The following STOX2 variants were observed in gnomAD, a reference collection of about 807,000 sequenced individuals.
The protein encoded by STOX2 is storkhead box 2.
Under a neutral mutation model 60.9 loss-of-function variants are expected in STOX2, and 28 were observed. That is an observed-to-expected ratio of 0.46 (90% confidence interval 0.34 to 0.63). The LOEUF (loss-of-function observed/expected upper bound fraction) is 0.63, where lower values mean the gene tolerates loss of function less well. Ranked by LOEUF, STOX2 falls within the 30% of genes least tolerant of loss-of-function variation. The pLI, the probability that STOX2 is intolerant of heterozygous loss-of-function variation, is 0.01. For missense variants in STOX2, 1,024 were observed against 1,187.7 expected (o/e 0.86, Z 2.03); for synonymous variants, 472 against 463.9 (o/e 1.02, Z -0.22).
At chr4:183,869,925 A>G (rs1333767214) in intron 1 of STOX2, among the ~76,000 whole-genome samples, 3 of 152,124 alleles carry the variant, frequency 2.0e-5, no homozygotes, top group African/African-American at 7.2e-5. Context: ...GGGACCAAGG[A>G]ATGGGCGGGA....
At chr4:183,845,288 G>T (rs2111135134) in intron 1 of STOX2, among the ~76,000 whole-genome samples, 1 of 152,276 alleles carries the variant, frequency 6.6e-6, no homozygotes, top group South Asian at 2.1e-4. Flanking sequence ...CAGGGCAGGG[G>T]AAGATCATTC....
At chr4:183,940,374 G>A (rs1742721094) in intron 1 of STOX2, among the ~76,000 whole-genome samples, 1 of 152,226 alleles carries the variant, frequency 6.6e-6, no homozygotes, top group East Asian at 1.9e-4. Context: ...TTATGTCCTA[G>A]CAACTTCGTA....
At chr4:183,819,004 C>T (rs925355457) in intron 1 of STOX2, among the ~76,000 whole-genome samples, 1 of 150,862 alleles carries the variant, frequency 6.6e-6, no homozygotes, top group African/African-American at 2.4e-5. Context: ...GGGCAGAGAC[C>T]CTCCTCACTT....
At chr4:184,005,779 T>C (rs1457825324) in intron 2 of STOX2, among the ~76,000 whole-genome samples, 2 of 152,196 alleles carry the variant, frequency 1.3e-5, no homozygotes, top group East Asian at 1.9e-4. Context: ...CATAATACAA[T>C]GATAATCATA....
At chr4:183,932,225 C>T (rs535714660) in intron 1 of STOX2, among the ~76,000 whole-genome samples, 11 of 151,644 alleles carry the variant, frequency 7.3e-5, no homozygotes, top group African/African-American at 2.4e-4. Context: ...GGGTTGGGGA[C>T]GTTGATGAGT....
chr4:183,801,910 A>G (rs1309044597), intron 1 of STOX2, among the ~76,000 whole-genome samples: 2 of 152,214 alleles, frequency 1.3e-5, no homozygotes, highest in Non-Finnish European at 2.9e-5. Flanking sequence ...AGAAAGAAAT[A>G]GGAGCACTAG....
intron 1 of STOX2, among the ~76,000 whole-genome samples, chr4:183,973,501 A>G (rs140558386): frequency 3.7e-4 from 56 of 152,306 alleles, no homozygotes; most frequent in African/African-American, 1.2e-3. Flanking sequence ...TAACCAGGGA[A>G]CATATTATTT....
chr4:183,998,100 G>A (rs1035985415), intron 1 of STOX2, among the ~76,000 whole-genome samples: 3 of 152,110 alleles, frequency 2.0e-5, no homozygotes, highest in Non-Finnish European at 4.4e-5. Context: ...GAAATAGTCC[G>A]GCCTGCATTT....
intron 1 of STOX2, among the ~76,000 whole-genome samples, chr4:183,953,049 G>C (rs1343297862): frequency 2.6e-5 from 4 of 152,138 alleles, no homozygotes; most frequent in Non-Finnish European, 5.9e-5. Flanking sequence ...AGGGTGGGAG[G>C]CTGGGGGAGG....
rs550096654 is a variant in STOX2, at chr4:183,959,512, A to C, written c.167-41813A>C. Among the ~76,000 whole-genome samples, 17 of 152,314 alleles carry C rather than the reference A, an allele frequency of 1.1e-4. 1 individual carries two copies. In the South Asian group the frequency reaches 2.9e-3, roughly 26 times the overall value. ...CGCAGTGGTGCATTTTGGTGATCAA[A>C]TCTAAAACATGTGTCAGGTTTGCGG... On this transcript the variant is annotated intron_variant, in intron 1 of 3. Coordinates refer to ENST00000308497, the MANE Select transcript of STOX2 (RefSeq NM_020225.3).
At chr4:183,875,453 G>A (rs1421038333) in intron 1 of STOX2, among the ~76,000 whole-genome samples, 1 of 152,136 alleles carries the variant, frequency 6.6e-6, no homozygotes, top group Non-Finnish European at 1.5e-5. Flanking sequence ...GTTTGCCCCA[G>A]GCGAAGCCTC....
intron 1 of STOX2, among the ~76,000 whole-genome samples, chr4:183,889,180 T>G (rs1382538005): frequency 6.6e-6 from 1 of 151,922 alleles, no homozygotes; most frequent in Admixed American, 6.6e-5. Context: ...TAGCTCCAAA[T>G]AGGACCTTAT....
At chr4:183,941,519 G>A (rs1742753145) in intron 1 of STOX2, among the ~76,000 whole-genome samples, 1 of 152,214 alleles carries the variant, frequency 6.6e-6, no homozygotes, top group African/African-American at 2.4e-5. Context: ...AGTGAGCTGA[G>A]ATCGCACCAC....
intron 1 of STOX2, among the ~76,000 whole-genome samples, chr4:183,925,188 G>C (rs183267555): frequency 6.6e-6 from 1 of 152,194 alleles, no homozygotes; most frequent in Admixed American, 6.5e-5. Flanking sequence ...ACAGAGGTTT[G>C]GTATATGAGA....
rs201687147 is a variant in STOX2 at position 184,010,106 on chromosome 4, T to G, written c.1268T>G (p.Met423Arg). The change falls in exon 3 of 4, where the codon ATG becomes AGG. Residue 423 changes from methionine (M) to arginine (R), a missense_variant. Coordinates refer to ENST00000308497, the MANE Select transcript of STOX2 (RefSeq NM_020225.3). This position sits in a 1 kb window ranked among gnomAD's most constrained non-coding sequence, Gnocchi z 4.5. ...IIEHKGDNFI[M>R]HSNTNVLESH... The stretch of plus-strand genomic sequence containing the variant: ...GAACACAAAGGAGATAACTTCATCA[T>G]GCACAGCAACACAAACGTGCTCGAG... The G allele has an allele frequency of 1.3e-3, 2,026 of 1,598,704 alleles. 4 individuals carry two copies. Among genetic ancestry groups the G allele is most frequent in the Non-Finnish European group, 1.6e-3 (1,824 of 1,172,132 alleles).
chr4:183,900,486 C>T (rs188768701), upstream of STOX2, among the ~76,000 whole-genome samples: 1 of 152,240 alleles, frequency 6.6e-6, no homozygotes, highest in African/African-American at 2.4e-5. Flanking sequence ...TCAACATTAA[C>T]AGGAGTTTGG....
At position 183,807,042 on chromosome 4, in the gene STOX2, G is replaced by T. The variant is rs111813187; in HGVS notation, c.364+8987G>T. ...GGCTGGAGTGCAGTGGCGCGATCTC[G>T]GCTCACTGCAAGCTCCGTCTCCCGG... On this transcript the variant is annotated intron_variant, in intron 1 of 2. Coordinates refer to the STOX2 transcript ENST00000513034. Among the ~76,000 whole-genome samples the T allele has an allele frequency of 1.3e-4, 20 of 151,978 alleles. 1 individual carries two copies. The highest frequency in any genetic ancestry group is 4.3e-4 in the African/African-American group (18 of 41,434).
At chr4:183,799,046 C>T (rs72693688) in intron 1 of STOX2, among the ~76,000 whole-genome samples, 7,799 of 152,266 alleles carry the variant, frequency 0.051, 290 homozygotes, top group Non-Finnish European at 0.076. Context: ...AACTGTAAAG[C>T]CGCCTTTTCT....
intron 1 of STOX2, among the ~76,000 whole-genome samples, chr4:183,973,095 A>G (rs1436319670): frequency 6.6e-6 from 1 of 152,224 alleles, no homozygotes; most frequent in East Asian, 1.9e-4. Context: ...CAGAGCTTCA[A>G]GGATGTGTGA....
Sources: gnomAD v4.1 joint callset for allele counts (sites outside exome capture counted in the v4.1 genomes callset) on GRCh38, gnomAD v4.1.1 for gene constraint, Gnocchi (gnomAD v3.1) non-coding constraint, MANE v1.5 for transcripts, NCBI Gene and HGNC (gene_info 2026-07-23, HGNC 2026-07-21) for gene names.